The following EFL1 variants were observed in gnomAD, a reference collection of about 807,000 sequenced individuals.
EFL1 encodes the protein elongation factor like GTPase 1.
A neutral mutation model predicts 126.7 loss-of-function variants in EFL1; 76 were observed. The ratio of observed to expected loss-of-function variants is 0.60; its 90% CI spans 0.50 to 0.73. EFL1 has a LOEUF of 0.73. Among genes scored for constraint, EFL1 ranks in the 30% least tolerant of loss-of-function variants. The pLI, the probability that EFL1 is intolerant of heterozygous loss-of-function variation, is 0.00. For missense variants in EFL1, 1,128 were observed against 1,343.2 expected, an observed-to-expected ratio of 0.84 and a Z score of 2.50; for synonymous variants, 410 against 448.4, an observed-to-expected ratio of 0.91 and a Z score of 1.08.
intron 6 of EFL1, among the ~76,000 whole-genome samples, chr15:82,239,590 G>T (rs1303892680): frequency 6.6e-6 from 1 of 152,022 alleles, no homozygotes; most frequent in African/African-American, 2.4e-5. Context: ...AAACTCTCAC[G>T]CACGGCATAT....
intron 15 of EFL1, among the ~76,000 whole-genome samples, chr15:82,171,352 A>G (rs2074133333): frequency 6.6e-6 from 1 of 152,192 alleles, no homozygotes; most frequent in Non-Finnish European, 1.5e-5. Context: ...CAGTGTAGTG[A>G]CAGCGGTCTG....
intron 3 of EFL1, among the ~76,000 whole-genome samples, chr15:82,256,655 A>C (rs1000952454): frequency 1.3e-5 from 2 of 152,198 alleles, no homozygotes; most frequent in African/African-American, 2.4e-5. Context: ...AGATTACAGA[A>C]GTTCTCTTCT....
intron 15 of EFL1, among the ~76,000 whole-genome samples, chr15:82,171,713 A>G (rs1395996520): frequency 6.6e-6 from 1 of 152,156 alleles, no homozygotes; most frequent in East Asian, 1.9e-4. Context: ...GCTGTGGACT[A>G]CTAGAGAGTG....
At chr15:82,148,518 G>A (rs2073873453) in intron 18 of EFL1, among the ~76,000 whole-genome samples, 1 of 152,144 alleles carries the variant, frequency 6.6e-6, no homozygotes, top group Admixed American at 6.6e-5. Context: ...TGTTACAGAG[G>A]ATAGCAAGAA....
intron 15 of EFL1, among the ~76,000 whole-genome samples, chr15:82,180,259 C>T (rs1411838989): frequency 2.0e-5 from 3 of 151,412 alleles, no homozygotes; most frequent in African/African-American, 7.3e-5. Flanking sequence ...AATTGCTATG[C>T]TTGGCATCTA....
chr15:82,186,992 T>C (rs1043319599), intron 15 of EFL1, among the ~76,000 whole-genome samples: 3 of 148,314 alleles, frequency 2.0e-5, no homozygotes, highest in Non-Finnish European at 2.9e-5. Flanking sequence ...GGTATGTTGT[T>C]TGTCATTTCC....
At chr15:82,133,656 T>C (rs2073684924) in intron 19 of EFL1, among the ~76,000 whole-genome samples, 2 of 152,210 alleles carry the variant, frequency 1.3e-5, no homozygotes, top group Admixed American at 1.3e-4. Flanking sequence ...ACTATTGTAA[T>C]TTTTTTAACA....
At chr15:82,167,008 C>T (rs1278979744) in intron 15 of EFL1, among the ~76,000 whole-genome samples, 4 of 152,046 alleles carry the variant, frequency 2.6e-5, no homozygotes, top group African/African-American at 4.8e-5. Context: ...AGTGATAGCA[C>T]GGGGGAATAA....
Position 82,262,656 on chromosome 15 carries a change from G to GC in EFL1, c.-63dup. 2.0e-6 allele frequency: 1 copy of GC among 498,272 alleles called. No individual in the cohort carries two copies. The highest frequency in any genetic ancestry group is 3.5e-6 in the Non-Finnish European group (1 of 283,726). The allele number at this position is 498,272 out of a possible 1,614,324, so 30.9% of individuals were successfully genotyped here. On this transcript the variant is annotated 5_prime_UTR_variant, in exon 1 of 20. Transcript: ENST00000268206. ...CCAGCCCCGCTCCTTCTCTCGGGTC[G>GC]CACCCACACCGAGAGCTTCCGAAAG...
chr15:82,198,356 G>A (rs12439569), intron 15 of EFL1, among the ~76,000 whole-genome samples: 11,521 of 152,192 alleles, frequency 0.076, 691 homozygotes, highest in African/African-American at 0.16. Context: ...TTCTGAGCTC[G>A]TTCAAGTCCA....
Position 82,216,245 on chromosome 15 carries a change from A to C in EFL1, c.1612-1390T>G, listed in dbSNP as rs115400688. Among the ~76,000 whole-genome samples, 944 of 152,308 alleles carry C rather than the reference A, an allele frequency of 6.2e-3. 9 individuals are homozygous for C. Among genetic ancestry groups the C allele is most frequent in the African/African-American group, 0.022 (901 of 41,586 alleles). On this transcript the variant is annotated intron_variant, in intron 14 of 19. Coordinates refer to ENST00000268206, the MANE Select transcript of EFL1 (RefSeq NM_024580.6). Reference sequence around the variant, plus strand: ...TTAAAATGACCTAAATAAATAGATAAATAAACCTAATACATTCATGGATGG... The same window carrying C: ...TTAAAATGACCTAAATAAATAGATACATAAACCTAATACATTCATGGATGG...
chr15:82,149,027 TA>T (rs1473043430), intron 18 of EFL1, among the ~76,000 whole-genome samples: 5 of 152,034 alleles, frequency 3.3e-5, no homozygotes, highest in African/African-American at 1.2e-4. Flanking sequence ...GTTATAGATG[TA>T]AAGGACCGTA....
chr15:82,235,976 AG>A (rs1175490666), intron 7 of EFL1, among the ~76,000 whole-genome samples: 2 of 152,202 alleles, frequency 1.3e-5, no homozygotes, highest in African/African-American at 4.8e-5. Flanking sequence ...GAGTTCAGCA[AG>A]GTGACAGTAT....
At chr15:82,192,401 C>CAAA (rs59214257) in intron 15 of EFL1, among the ~76,000 whole-genome samples, 27 of 86,196 alleles carry the variant, frequency 3.1e-4, no homozygotes, top group African/African-American at 8.6e-4. Flanking sequence ...AATTCCGTCT[C>CAAA]AAAAAAAAAA....
chr15:82,258,279 C>T (rs1461427748), intron 3 of EFL1, among the ~76,000 whole-genome samples: 1 of 152,208 alleles, frequency 6.6e-6, no homozygotes, highest in East Asian at 1.9e-4. Context: ...TATTTTCAGG[C>T]TAGGTGTGGT....
chr15:82,138,655 T>C lies in EFL1; in HGVS notation c.3174+3A>G. On this transcript the variant is annotated splice_donor_region_variant and intron_variant, in intron 19 of 19. Transcript: ENST00000268206. The stretch of plus-strand genomic sequence containing the variant: ...AGGAATGAATGGGAACTTGGATTTT[T>C]ACCTCCCAATGGCTGAATACTAGTT... The C allele has an allele frequency of 6.2e-7, 1 of 1,612,668 alleles. No homozygotes were observed. Among genetic ancestry groups the C allele is most frequent in the South Asian group, 1.1e-5 (1 of 90,886 alleles).
At chr15:82,168,655 G>A (rs1190709938) in intron 15 of EFL1, among the ~76,000 whole-genome samples, 1 of 152,150 alleles carries the variant, frequency 6.6e-6, no homozygotes, top group Non-Finnish European at 1.5e-5. Flanking sequence ...TGGGATTACA[G>A]GCACTTGCCA....
At position 82,262,705 on chromosome 15, in the gene EFL1, A is replaced by G; in HGVS notation, c.-111T>C. 1.4e-6 allele frequency: 1 copy of G among 703,050 alleles called. No homozygotes were observed. Among genetic ancestry groups the G allele is most frequent in the Non-Finnish European group, 2.3e-6 (1 of 442,576 alleles). 43.6% of individuals were successfully genotyped at this position (703,050 alleles called of 1,614,324 possible). Reference sequence around the variant, plus strand: ...AGTCCGAGAGCTCTGCGGGTCCGACACGCCCGCGCGCCAGGGGGCGGGGCC... The same window carrying G: ...AGTCCGAGAGCTCTGCGGGTCCGACGCGCCCGCGCGCCAGGGGGCGGGGCC... On this transcript the variant is annotated 5_prime_UTR_variant, in exon 1 of 20. Transcript: ENST00000268206.
intron 16 of EFL1, among the ~76,000 whole-genome samples, chr15:82,160,223 A>G (rs892968049): frequency 3.9e-5 from 6 of 152,214 alleles, no homozygotes; most frequent in African/African-American, 7.2e-5. Flanking sequence ...TCAAACAGTC[A>G]TGTAGAGAGG....
Sources: gnomAD v4.1 joint callset for allele counts (sites outside exome capture counted in the v4.1 genomes callset) on GRCh38, gnomAD v4.1.1 for gene constraint, MANE v1.5 for transcripts, NCBI Gene and HGNC (gene_info 2026-07-23, HGNC 2026-07-21) for gene names.